Variants in RFX7 observed in about 807,000 individuals in gnomAD.
RFX7 encodes DNA-binding protein RFX7.
A neutral mutation model predicts 111.8 loss-of-function variants in RFX7; 26 were observed. That is an observed-to-expected ratio of 0.23 (90% confidence interval 0.17 to 0.32). The LOEUF (loss-of-function observed/expected upper bound fraction) is 0.32. Ranked by LOEUF, RFX7 falls within the 10% of genes least tolerant of loss-of-function variation. The pLI is 1.00. For missense variants in RFX7, 1,573 were observed against 1,772.9 expected (o/e 0.89, Z 2.02); for synonymous variants, 624 against 624.4 (o/e 1.00, Z 0.01).
chr15:56,180,267 T>C lies in RFX7; in HGVS notation c.162-964A>G, dbSNP rs138368731. ...CACAATCATTAATAACAAAATTTTA[T>C]GCCTGTACCCAGATTTCAAATTTCA... On this transcript the variant is annotated intron_variant, in intron 2 of 9. Coordinates refer to ENST00000559447, the MANE Select transcript of RFX7 (RefSeq NM_022841.7). Among the ~76,000 whole-genome samples the C allele has an allele frequency of 7.9e-3, 1,204 of 152,290 alleles. 18 individuals are homozygous for C. The highest frequency in any genetic ancestry group is 0.028 in the African/African-American group (1,151 of 41,564).
intron 3 of RFX7, among the ~76,000 whole-genome samples, chr15:56,176,622 G>A (rs1201959431): frequency 6.6e-6 from 1 of 152,038 alleles, no homozygotes; most frequent in African/African-American, 2.4e-5. Context: ...GACATTCATA[G>A]ATAAACACAG....
At chr15:56,135,783 G>C (rs1406483143) in intron 5 of RFX7, among the ~76,000 whole-genome samples, 1 of 151,570 alleles carries the variant, frequency 6.6e-6, no homozygotes, top group Non-Finnish European at 1.5e-5. Context: ...ATCTTGAATT[G>C]ATTTTTGTAA....
intron 2 of RFX7, among the ~76,000 whole-genome samples, chr15:56,217,763 T>C (rs2043377792): frequency 6.6e-6 from 1 of 152,206 alleles, no homozygotes. Context: ...ATGATATGCA[T>C]AGCTGTTATT....
At chr15:56,168,557 C>A (rs944983877) in intron 3 of RFX7, among the ~76,000 whole-genome samples, 9 of 152,254 alleles carry the variant, frequency 5.9e-5, no homozygotes, top group Middle Eastern at 3.4e-3. Context: ...AGTTGGGGCC[C>A]TTAACACTGG....
chr15:56,129,373 CT>C (rs1443353019), intron 5 of RFX7, among the ~76,000 whole-genome samples: 1 of 146,958 alleles, frequency 6.8e-6, no homozygotes, highest in Non-Finnish European at 1.5e-5. Flanking sequence ...GAGACTCCCC[CT>C]CAAAAAAAAA....
At chr15:56,204,019 C>CTTTTTTTT (rs139030100) in intron 2 of RFX7, among the ~76,000 whole-genome samples, 1 of 120,834 alleles carries the variant, frequency 8.3e-6, no homozygotes, top group African/African-American at 3.3e-5. Flanking sequence ...GTAACAAAAC[C>CTTTTTTTT]TTTTTTTTTT....
Position 56,095,490 on chromosome 15 carries a change from C to T in RFX7, c.2238G>A (p.Gln746=). 6.2e-7 allele frequency: 1 copy of T among 1,612,630 alleles called. No individual in the cohort carries two copies. The highest frequency in any genetic ancestry group is 1.1e-5 in the South Asian group (1 of 91,088). Residue 746 remains glutamine (Q), a synonymous_variant, in exon 10 of 10, where the codon CAG becomes CAA. Transcript: ENST00000559447. ...CTGGAGATGATGATGGGGTTGTTTG[C>T]TGTTCCAAAGCTGAATCACTGATAA... ...ALVISDSALE[Q]QTTPSSSPDI... is the part of the protein sequence containing the mutation.
intron 6 of RFX7, 84 bp from the exon 7 acceptor site, chr15:56,102,337 T>C: frequency 2.7e-6 from 2 of 733,272 alleles, no homozygotes; most frequent in South Asian, 4.3e-5. Context: ...ATATATGAAA[T>C]GAGAAAAAAA....
chr15:56,157,767 A>G (rs1391429553), intron 3 of RFX7, among the ~76,000 whole-genome samples: 1 of 152,114 alleles, frequency 6.6e-6, no homozygotes, highest in Non-Finnish European at 1.5e-5. Flanking sequence ...TTTAGTAGAG[A>G]TGGGGTTTCA....
chr15:56,131,823 A>G (rs934881060), intron 5 of RFX7, among the ~76,000 whole-genome samples: 1 of 152,004 alleles, frequency 6.6e-6, no homozygotes, highest in African/African-American at 2.4e-5. Context: ...AAGACAATGA[A>G]GAAGATTCAC....
At chr15:56,222,745 T>C (rs2043440328) in intron 2 of RFX7, among the ~76,000 whole-genome samples, 1 of 152,170 alleles carries the variant, frequency 6.6e-6, no homozygotes, top group Admixed American at 6.5e-5. Context: ...TTTGAGCCTA[T>C]TTACCAGAGA....
intron 5 of RFX7, among the ~76,000 whole-genome samples, chr15:56,110,319 G>GT (rs1449020895): frequency 2.2e-5 from 2 of 91,912 alleles, no homozygotes; most frequent in South Asian, 4.2e-4. Context: ...GAGGGAGGTG[G>GT]GGGGGGGGTC....
At chr15:56,126,141 C>T (rs775608700) in intron 5 of RFX7, among the ~76,000 whole-genome samples, 20 of 152,020 alleles carry the variant, frequency 1.3e-4, no homozygotes, top group Non-Finnish European at 1.8e-4. Flanking sequence ...TTATCTGATC[C>T]ATCAACATTT....
At chr15:56,112,602 T>G (rs1278361110) in intron 5 of RFX7, among the ~76,000 whole-genome samples, 1 of 152,104 alleles carries the variant, frequency 6.6e-6, no homozygotes, top group Non-Finnish European at 1.5e-5. Flanking sequence ...TGGGAGAAGA[T>G]TTTATGAAGA....
chr15:56,234,448 G>A (rs553577412), intron 2 of RFX7, among the ~76,000 whole-genome samples: 1 of 152,278 alleles, frequency 6.6e-6, no homozygotes. Flanking sequence ...CTGCTTGCTA[G>A]TGGCTCCTGC....
chr15:56,230,427 T>A (rs2043538523), intron 2 of RFX7, among the ~76,000 whole-genome samples: 1 of 152,252 alleles, frequency 6.6e-6, no homozygotes, highest in African/African-American at 2.4e-5. Flanking sequence ...AAAGTATCAA[T>A]TGCTGTTAAG....
At chr15:56,137,593 G>GT (rs1323729872) in intron 5 of RFX7, among the ~76,000 whole-genome samples, 3 of 152,020 alleles carry the variant, frequency 2.0e-5, no homozygotes, top group Admixed American at 6.6e-5. Flanking sequence ...TTTTTGAAGG[G>GT]TTTTTTGTGT....
intron 3 of RFX7, among the ~76,000 whole-genome samples, chr15:56,155,256 C>T (rs1370493853): frequency 6.6e-6 from 1 of 152,050 alleles, no homozygotes; most frequent in Non-Finnish European, 1.5e-5. Flanking sequence ...TACCATTTGA[C>T]CCACAATATT....
chr15:56,208,139 G>A (rs1377848396), intron 2 of RFX7, among the ~76,000 whole-genome samples: 4 of 152,180 alleles, frequency 2.6e-5, no homozygotes, highest in Admixed American at 6.5e-5. Flanking sequence ...TAACTTTCAT[G>A]CCTTAGACAA....
Sources: gnomAD v4.1 joint callset for allele counts (sites outside exome capture counted in the v4.1 genomes callset) on GRCh38, gnomAD v4.1.1 for gene constraint, MANE v1.5 for transcripts, NCBI Gene and HGNC (gene_info 2026-07-23, HGNC 2026-07-21) for gene names.